Variants in RSPH4A observed in about 807,000 individuals in gnomAD.
RSPH4A encodes radial spoke head protein 4 homolog A.
In RSPH4A, 47 loss-of-function variants were observed where a neutral mutation model predicts 71.0. The ratio of observed to expected loss-of-function variants is 0.66; its 90% confidence interval spans 0.52 to 0.84. The LOEUF is 0.84. Ranked by LOEUF, RSPH4A falls within the 40% of genes least tolerant of loss-of-function variation. The pLI, the probability that RSPH4A is intolerant of heterozygous loss-of-function variation, is 0.00. For synonymous variants in RSPH4A, 282 were observed against 302.3 expected (o/e 0.93, Z 0.70); for missense variants, 793 against 855.2 (o/e 0.93, Z 0.91).
At position 116,628,046 on chromosome 6, in the gene RSPH4A, G is replaced by T; in HGVS notation, c.1339G>T (p.Val447Phe). The change falls in exon 3 of 6, where the codon GTT becomes TTT. Residue 447 changes from valine (V) to phenylalanine (F), a missense_variant. Coordinates refer to ENST00000229554, the MANE Select transcript of RSPH4A (RefSeq NM_001010892.3). ...PGRPWVKLPP[V>F]IPAQIVIARK... Reference sequence around the variant, plus strand: ...AAGACCATGGGTGAAGTTACCACCAGTTATACCTGCACAAATTGTTATTGC... The same window carrying T: ...AAGACCATGGGTGAAGTTACCACCATTTATACCTGCACAAATTGTTATTGC... 1 of 1,614,220 alleles carries T rather than the reference G, an allele frequency of 6.2e-7. No homozygotes were observed. The highest frequency in any genetic ancestry group is 1.3e-5 in the African/African-American group (1 of 75,058).
chr6:116,621,468 A>G (rs1170672174), intron 1 of RSPH4A, among the ~76,000 whole-genome samples: 2 of 152,198 alleles, frequency 1.3e-5, no homozygotes, highest in African/African-American at 2.4e-5. Flanking sequence ...TTGTTTCACT[A>G]TAATAAGAGA....
chr6:116,617,879 C>T (rs552529121), intron 1 of RSPH4A, among the ~76,000 whole-genome samples: 2 of 152,296 alleles, frequency 1.3e-5, no homozygotes, highest in South Asian at 4.1e-4. Context: ...ATCCAAGTCT[C>T]TTAAAATGTG....
chr6:116,632,774 TTAAAA>T lies in RSPH4A; in HGVS notation c.*338_*342del, dbSNP rs1317235933. ...ACATGGTCCAGGTGAGGTAAAACAATTAAAATAAATAAATAAATGGTCTCAGGTTT... is the reference window on the plus strand; with the variant it reads ...ACATGGTCCAGGTGAGGTAAAACAATTAAATAAATAAATGGTCTCAGGTTT... On this transcript the variant is annotated 3_prime_UTR_variant, in exon 6 of 6. Transcript: ENST00000229554. 8.8e-6 allele frequency: 2 copies of T among 226,360 alleles called. No individual in the cohort carries two copies. The highest frequency in any genetic ancestry group is 6.5e-5 in the South Asian group (1 of 15,488). 14.0% of individuals were successfully genotyped at this position (226,360 alleles called of 1,614,324 possible).
At chr6:116,626,191 G>A (rs774189993) in intron 2 of RSPH4A, among the ~76,000 whole-genome samples, 8 of 152,202 alleles carry the variant, frequency 5.3e-5, no homozygotes, top group Non-Finnish European at 7.4e-5. Context: ...TTCAAAAGTC[G>A]TTATACTTAT....
chr6:116,626,407 T>A (rs1427391375), intron 2 of RSPH4A, among the ~76,000 whole-genome samples: 10 of 152,134 alleles, frequency 6.6e-5, no homozygotes, highest in Admixed American at 4.6e-4. Flanking sequence ...AGTGGCGCGA[T>A]CTCGGCTCAC....
rs368473827 is a variant in RSPH4A, at chr6:116,616,818, T to C, written c.195T>C (p.Ser65=). 16 of 1,614,006 alleles carry C rather than the reference T, an allele frequency of 9.9e-6. No individual in the cohort carries two copies. The highest frequency in any genetic ancestry group is 1.4e-5 in the Non-Finnish European group (16 of 1,180,002). The change falls in exon 1 of 6, where the codon TCT becomes TCC. Residue 65 remains serine, a synonymous_variant. Transcript: ENST00000229554. The stretch of plus-strand genomic sequence containing the variant: ...GCAGCCGTCCTTGGAGCCCGCAGTC[T>C]AGAGCCAAGACGCCTCTGGGTGGCC... ...SRSSRPWSPQ[S]RAKTPLGGPA...
intron 4 of RSPH4A, 101 bp from the exon 5 acceptor site, chr6:116,630,334 T>C: frequency 1.3e-6 from 1 of 773,518 alleles, no homozygotes; most frequent in East Asian, 2.4e-5. Context: ...TATCTGTGTG[T>C]GTGCATGCAT....
At chr6:116,629,536 GA>G in intron 3 of RSPH4A, 30 bp from the exon 4 acceptor site, 3 of 1,609,544 alleles carry the variant, frequency 1.9e-6, no homozygotes, top group Non-Finnish European at 8.5e-7. Context: ...GTCCCCATTA[GA>G]CTACTAAATC....
chr6:116,631,662 T>C (rs771009546), intron 5 of RSPH4A, among the ~76,000 whole-genome samples: 27 of 152,232 alleles, frequency 1.8e-4, no homozygotes, highest in African/African-American at 5.8e-4. Context: ...AATGCAAACA[T>C]TGAAGAGCAT....
chr6:116,619,334 T>C (rs1775562934), intron 1 of RSPH4A, among the ~76,000 whole-genome samples: 1 of 152,188 alleles, frequency 6.6e-6, no homozygotes, highest in South Asian at 2.1e-4. Context: ...ATGGGGGTCT[T>C]ATGACCATCA....
rs1285123787 is a variant in RSPH4A at position 116,630,845 on chromosome 6, G to GTT, written c.1916+294_1916+295insTT. Among the ~76,000 whole-genome samples, 147 of 67,652 alleles carry GTT rather than the reference G, an allele frequency of 2.2e-3. 9 individuals carry two copies. The highest frequency in any genetic ancestry group is 4.1e-3 in the African/African-American group (56 of 13,720). 44.4% of individuals were successfully genotyped at this position (67,652 alleles called of 152,430 possible). A position where few individuals can be genotyped will look rare whatever the true frequency, so the allele number is the denominator to read the frequency against. ...GCACCACTATGCCCAGCTAATTTTT[G>GTT]TATTTTTTTTTTTTTTTTTTTTTTT... On this transcript the variant is annotated intron_variant, in intron 5 of 5. Coordinates refer to ENST00000229554, the MANE Select transcript of RSPH4A (RefSeq NM_001010892.3).
intron 1 of RSPH4A, among the ~76,000 whole-genome samples, chr6:116,618,880 C>G (rs746228794): frequency 7.2e-5 from 11 of 152,188 alleles, no homozygotes; most frequent in Non-Finnish European, 1.6e-4. Context: ...ATTACAAGCC[C>G]CAGGCTGATT....
chr6:116,622,906 T>C lies in RSPH4A; in HGVS notation c.825T>C (p.Asn275=). 6.2e-7 allele frequency: 1 copy of C among 1,613,922 alleles called. No homozygotes were observed. Among genetic ancestry groups the C allele is most frequent in the Non-Finnish European group, 8.5e-7 (1 of 1,179,834 alleles). Residue 275 remains asparagine, a synonymous_variant, in exon 2 of 6, where the codon AAT becomes AAC. Coordinates refer to ENST00000229554, the MANE Select transcript of RSPH4A (RefSeq NM_001010892.3). ...SKKFDALQNE[N]ELLPTYEIAE... ...AATTTGATGCACTACAAAATGAGAA[T>C]GAGTTGCTTCCAACATATGAAATAG...
At chr6:116,622,648 G>C in intron 1 of RSPH4A, 120 bp from the exon 2 acceptor site, 7 of 679,492 alleles carry the variant, frequency 1.0e-5, no homozygotes, top group South Asian at 1.7e-5. Context: ...TATATATTTT[G>C]TTTTTTTCTT....
intron 2 of RSPH4A, among the ~76,000 whole-genome samples, chr6:116,625,420 TA>T (rs1244848067): frequency 6.6e-6 from 1 of 152,232 alleles, no homozygotes; most frequent in Non-Finnish European, 1.5e-5. Flanking sequence ...ACAGAGTGCT[TA>T]AAGCCAGACT....
intron 2 of RSPH4A, 32 bp downstream of exon 2, chr6:116,623,034 C>T (rs746310134): frequency 7.7e-7 from 1 of 1,290,956 alleles, no homozygotes; most frequent in South Asian, 1.2e-5. Flanking sequence ...TAATAATAAA[C>T]CTTAGGATTT....
intron 5 of RSPH4A, among the ~76,000 whole-genome samples, chr6:116,630,842 TTTGTA>T (rs1775790694): frequency 8.6e-6 from 1 of 116,346 alleles, no homozygotes; most frequent in Non-Finnish European, 1.8e-5. Flanking sequence ...CCAGCTAATT[TTTGTA>T]TTTTTTTTTT....
chr6:116,629,218 AATC>A (rs1011530559), intron 3 of RSPH4A, among the ~76,000 whole-genome samples: 46 of 152,346 alleles, frequency 3.0e-4, no homozygotes, highest in African/African-American at 9.4e-4. Flanking sequence ...TGTTAATAAT[AATC>A]ATCATAATAG....
At chr6:116,627,346 C>T (rs1050177240) in intron 2 of RSPH4A, among the ~76,000 whole-genome samples, 21 of 152,068 alleles carry the variant, frequency 1.4e-4, no homozygotes, top group Admixed American at 2.6e-4. Flanking sequence ...ACTACAGGCA[C>T]GCACCACCAT....
Sources: allele counts gnomAD v4.1 joint callset (sites outside exome capture counted in the v4.1 genomes callset), GRCh38; gene constraint gnomAD v4.1.1; transcripts MANE v1.5; gene names NCBI Gene and HGNC (gene_info 2026-07-23, HGNC 2026-07-21).